The following KCNC2 variants were observed in gnomAD, a reference collection of about 807,000 sequenced individuals.
KCNC2 encodes the protein voltage-gated potassium channel KCNC2.
In KCNC2, 21 loss-of-function variants were observed where a neutral mutation model predicts 44.5. The ratio of observed to expected loss-of-function variants is 0.47; its 90% confidence interval spans 0.33 to 0.68. The LOEUF is 0.68. Among genes scored for constraint, KCNC2 ranks in the 30% least tolerant of loss-of-function variants. The pLI is 0.01. For missense variants in KCNC2, 589 were observed against 826.2 expected, an observed-to-expected ratio of 0.71 and a Z score of 3.52; for synonymous variants, 391 against 339.1, an observed-to-expected ratio of 1.15 and a Z score of -1.68.
chr12:75,161,470 C>G (rs753910215), intron 2 of KCNC2, among the ~76,000 whole-genome samples: 56 of 151,680 alleles, frequency 3.7e-4, no homozygotes, highest in Non-Finnish European at 7.1e-4. Context: ...ATTCACTTTA[C>G]CCAGCACCAG....
At chr12:75,105,485 T>A (rs1247680494) in intron 2 of KCNC2, among the ~76,000 whole-genome samples, 4 of 152,082 alleles carry the variant, frequency 2.6e-5, no homozygotes, top group Non-Finnish European at 4.4e-5. Context: ...TGTGTTTGTT[T>A]AAGAATAGAT....
intron 2 of KCNC2, among the ~76,000 whole-genome samples, chr12:75,078,639 C>G (rs529907922): frequency 6.6e-6 from 1 of 152,184 alleles, no homozygotes; most frequent in East Asian, 1.9e-4. Context: ...TTCATCTTAT[C>G]AATGAAGAGG....
intron 2 of KCNC2, among the ~76,000 whole-genome samples, chr12:75,163,459 A>G (rs1395470046): frequency 6.6e-6 from 1 of 151,754 alleles, no homozygotes; most frequent in Non-Finnish European, 1.5e-5. Flanking sequence ...TTTGGAACAA[A>G]TGCATTTAAG....
chr12:75,150,922 A>G (rs976261963), intron 2 of KCNC2, among the ~76,000 whole-genome samples: 5 of 151,904 alleles, frequency 3.3e-5, no homozygotes, highest in Non-Finnish European at 7.4e-5. Flanking sequence ...GATAGATTCC[A>G]TTTTCTATGC....
At chr12:75,199,592 G>A (rs1018726921) in intron 2 of KCNC2, among the ~76,000 whole-genome samples, 1 of 151,732 alleles carries the variant, frequency 6.6e-6, no homozygotes, top group African/African-American at 2.4e-5. Context: ...AATATTCAGG[G>A]AAATTGTTTT....
At chr12:75,142,718 C>T (rs1438547086) in intron 2 of KCNC2, among the ~76,000 whole-genome samples, 1 of 152,122 alleles carries the variant, frequency 6.6e-6, no homozygotes, top group Non-Finnish European at 1.5e-5. Flanking sequence ...TTTTCATGGG[C>T]CCCTACAAGG....
chr12:75,137,722 T>C (rs2137382004), intron 2 of KCNC2, among the ~76,000 whole-genome samples: 1 of 152,310 alleles, frequency 6.6e-6, no homozygotes, highest in East Asian at 1.9e-4. Flanking sequence ...AAAAAAATTA[T>C]ATAAGTAAAA....
chr12:75,076,837 G>T (rs1200182882), intron 2 of KCNC2, among the ~76,000 whole-genome samples: 3 of 152,066 alleles, frequency 2.0e-5, no homozygotes, highest in Non-Finnish European at 4.4e-5. Flanking sequence ...TATTTTATAA[G>T]AATTATTAAT....
chr12:75,073,122 A>T (rs1184175597), intron 2 of KCNC2, among the ~76,000 whole-genome samples: 1 of 152,206 alleles, frequency 6.6e-6, no homozygotes, highest in Non-Finnish European at 1.5e-5. Flanking sequence ...TTCTTTCACC[A>T]TAAAAGAGCT....
intron 2 of KCNC2, among the ~76,000 whole-genome samples, chr12:75,113,525 A>T (rs1328521104): frequency 1.3e-5 from 2 of 152,204 alleles, no homozygotes; most frequent in East Asian, 3.8e-4. Context: ...TTATATTTAT[A>T]AAGGAATAAT....
chr12:75,105,640 A>G (rs140212507), intron 2 of KCNC2, among the ~76,000 whole-genome samples: 25 of 152,316 alleles, frequency 1.6e-4, no homozygotes, highest in African/African-American at 5.8e-4. Context: ...TTTCCTAAGG[A>G]ATCGAATGTA....
At chr12:75,154,960 A>ACTTGAC in intron 2 of KCNC2, among the ~76,000 whole-genome samples, 1 of 152,040 alleles carries the variant, frequency 6.6e-6, no homozygotes, top group South Asian at 2.1e-4. Flanking sequence ...AGCCTATAGA[A>ACTTGAC]AAGTATTTTT....
chr12:75,040,888 A>G lies in KCNC2; in HGVS notation c.*2217T>C, dbSNP rs142202027. ...ACTTGAAACTTCAGAGATGTTGATC[A>G]TGAATTTGGCTTCTTTTGATGAGAA... On this transcript the variant is annotated 3_prime_UTR_variant, in exon 5 of 5. Transcript: ENST00000549446. 12 of 530,794 alleles carry G rather than the reference A, an allele frequency of 2.3e-5. No individual in the cohort carries two copies. In the Middle Eastern group the frequency reaches 1.5e-3, roughly 66 times the overall value. 32.9% of individuals were successfully genotyped at this position (530,794 alleles called of 1,614,324 possible).
intron 2 of KCNC2, among the ~76,000 whole-genome samples, chr12:75,175,785 A>G (rs1427817583): frequency 1.3e-5 from 2 of 152,058 alleles, no homozygotes; most frequent in African/African-American, 4.8e-5. Context: ...TCACTGCAGC[A>G]TAACGCAACC....
At chr12:75,051,805 G>T in intron 2 of KCNC2, among the ~76,000 whole-genome samples, 1 of 152,084 alleles carries the variant, frequency 6.6e-6, no homozygotes, top group Admixed American at 6.6e-5. Context: ...TATATAAAAT[G>T]TTCTGGATAT....
chr12:75,157,968 G>T (rs1890873216), intron 2 of KCNC2, among the ~76,000 whole-genome samples: 1 of 151,862 alleles, frequency 6.6e-6, no homozygotes, highest in South Asian at 2.1e-4. Context: ...TGATGTCAAG[G>T]CCATTTAAGT....
At position 75,048,248 on chromosome 12, in the gene KCNC2, C is replaced by T. The variant is rs372341671; in HGVS notation, c.1685G>A (p.Arg562His). The T allele has an allele frequency of 7.1e-5, 114 of 1,612,882 alleles. No homozygotes were observed. Among genetic ancestry groups the T allele is most frequent in the Non-Finnish European group, 8.9e-5 (105 of 1,179,332 alleles). ...LSPPERLPIR[R>H]SSTRDKNRRG... ...TCTGTTTTTGTCTCTGGTACTAGAG[C>T]GTCTGATGGGGAGCCTTTCTGGGGG... Residue 562 changes from arginine (R) to histidine (H), a missense_variant, in exon 4 of 5, where the codon CGC becomes CAC. Around this residue, in one of 7 missense-constraint regions of KCNC2, gnomAD observed 171 missense variants for 182.4 expected, o/e 0.94. Transcript: ENST00000549446.
intron 2 of KCNC2, among the ~76,000 whole-genome samples, chr12:75,178,554 G>A (rs1441461096): frequency 1.3e-5 from 2 of 152,000 alleles, no homozygotes; most frequent in Non-Finnish European, 2.9e-5. Flanking sequence ...TAGATTTGGA[G>A]TCAAAACCCC....
chr12:75,149,836 T>C (rs1209350714), intron 2 of KCNC2, among the ~76,000 whole-genome samples: 1 of 151,872 alleles, frequency 6.6e-6, no homozygotes, highest in Non-Finnish European at 1.5e-5. Flanking sequence ...ATCTTCTTAC[T>C]CAAATCTTGG....
Sources: gnomAD v4.1 joint callset for allele counts (sites outside exome capture counted in the v4.1 genomes callset) on GRCh38, gnomAD v4.1.1 for gene constraint, gnomAD v4.1.1 regional missense constraint, MANE v1.5 for transcripts, NCBI Gene and HGNC (gene_info 2026-07-23, HGNC 2026-07-21) for gene names.